The following TBXAS1 variants were observed in gnomAD, a reference collection of about 807,000 sequenced individuals.
TBXAS1 encodes the protein thromboxane-A synthase.
In TBXAS1, 48 loss-of-function variants were observed where a neutral mutation model predicts 60.7. The observed-to-expected ratio is 0.79, with a 90% CI of 0.63 to 1.01. The LOEUF (loss-of-function observed/expected upper bound fraction) is 1.01, where lower values mean the gene tolerates loss of function less well. Among genes scored for constraint, TBXAS1 ranks in the 50% least tolerant of loss-of-function variants. The probability of loss-of-function intolerance (pLI) is 0.00; values close to 1 mark genes in which losing one functional copy is unlikely to be tolerated. For synonymous variants in TBXAS1, 287 were observed against 269.7 expected, an observed-to-expected ratio of 1.06 and a Z score of -0.63; for missense variants, 685 against 686.3, an observed-to-expected ratio of 1.00 and a Z score of 0.02.
intron 10 of TBXAS1, among the ~76,000 whole-genome samples, chr7:140,012,916 A>G (rs1242689190): frequency 6.6e-6 from 1 of 152,126 alleles, no homozygotes; most frequent in Non-Finnish European, 1.5e-5. Flanking sequence ...GTTTAACAGG[A>G]ACTCAAAGCC....
chr7:139,867,462 A>G (rs190527433), intron 1 of TBXAS1, among the ~76,000 whole-genome samples: 4 of 152,266 alleles, frequency 2.6e-5, no homozygotes, highest in Middle Eastern at 3.4e-3. Context: ...CAAAATACCA[A>G]TTTATCAGAA....
At chr7:139,952,012 A>AAGAAAGAAAGAGAGAG (rs746618111) in intron 5 of TBXAS1, among the ~76,000 whole-genome samples, 1 of 111,234 alleles carries the variant, frequency 9.0e-6, no homozygotes, top group Admixed American at 8.9e-5. Flanking sequence ...GAAAGAAAGA[A>AAGAAAGAAAGAGAGAG]AAAGAAAGGA....
Position 139,921,074 on chromosome 7 carries a change from A to G in TBXAS1, c.333+9753A>G, listed in dbSNP as rs62490079. 2.2e-3 allele frequency among the ~76,000 whole-genome samples: 334 copies of G among 152,256 alleles called. 1 individual carries two copies. Among genetic ancestry groups the G allele is most frequent in the Non-Finnish European group, 3.8e-3 (259 of 68,022 alleles). ...TCAAGTCTGTCGAAATTAAATGTTTATTATTCCTTAGTATTTTTTTAAATT... is the reference window on the plus strand; with the variant it reads ...TCAAGTCTGTCGAAATTAAATGTTTGTTATTCCTTAGTATTTTTTTAAATT... On this transcript the variant is annotated intron_variant, in intron 4 of 12. Coordinates refer to ENST00000448866, the MANE Select transcript of TBXAS1 (RefSeq NM_001061.7).
At chr7:139,998,505 G>A (rs763439083) in intron 9 of TBXAS1, among the ~76,000 whole-genome samples, 5 of 152,136 alleles carry the variant, frequency 3.3e-5, no homozygotes, top group African/African-American at 9.7e-5. Context: ...TTAACTGGCC[G>A]TGCGACCTGG....
intron 5 of TBXAS1, among the ~76,000 whole-genome samples, chr7:139,938,274 T>TG (rs1230747173): frequency 4.6e-5 from 7 of 152,052 alleles, no homozygotes; most frequent in African/African-American, 1.7e-4. Flanking sequence ...CGGGATCACT[T>TG]GGGGGGCTTT....
intron 4 of TBXAS1, among the ~76,000 whole-genome samples, chr7:139,795,683 G>A (rs980719047): frequency 1.3e-5 from 2 of 148,622 alleles, no homozygotes; most frequent in Non-Finnish European, 1.5e-5. Context: ...ATCTTGAATT[G>A]ATTTTTGTAT....
At chr7:139,835,964 C>T (rs1161224818) in intron 1 of TBXAS1, among the ~76,000 whole-genome samples, 1 of 151,918 alleles carries the variant, frequency 6.6e-6, no homozygotes, top group Non-Finnish European at 1.5e-5. Flanking sequence ...ACATCAGTAG[C>T]TCTCCTATAC....
chr7:139,863,406 T>C (rs898392152), intron 1 of TBXAS1, among the ~76,000 whole-genome samples: 1 of 152,164 alleles, frequency 6.6e-6, no homozygotes, highest in Non-Finnish European at 1.5e-5. Context: ...AGCGGTTCCT[T>C]AGGCAACAAA....
rs1814788301 is a variant in TBXAS1 at position 140,013,599 on chromosome 7, G to A, written c.1227-2124G>A. 1.3e-5 allele frequency among the ~76,000 whole-genome samples: 2 copies of A among 152,206 alleles called. No homozygotes were observed. The highest frequency in any genetic ancestry group is 4.8e-5 in the African/African-American group (2 of 41,450). ...AGAACTCTCCCAGGAACCAGGAACG[G>A]CTCTCACTGGCAGGCCTCACGGAGG... On this transcript the variant is annotated intron_variant, in intron 10 of 12. Coordinates refer to ENST00000448866, the MANE Select transcript of TBXAS1 (RefSeq NM_001061.7). This position sits in a 1 kb window ranked among gnomAD's most constrained non-coding sequence, Gnocchi z 4.2.
In TBXAS1 at chr7:139,911,331, T is replaced by A; in HGVS notation, c.333+10T>A. ...CTTTACCAACAGAATGGTACGTAGT[T>A]TTCTTTCCGCATATAGATGGATGGG... is the stretch of plus-strand genomic sequence containing the variant. On this transcript the variant is annotated intron_variant, in intron 4 of 12. Transcript: ENST00000448866. 6.2e-7 allele frequency: 1 copy of A among 1,609,722 alleles called. No individual in the cohort carries two copies. The highest frequency in any genetic ancestry group is 8.5e-7 in the Non-Finnish European group (1 of 1,175,974).
chr7:139,996,675 C>G (rs1813322789), intron 9 of TBXAS1, among the ~76,000 whole-genome samples: 1 of 152,232 alleles, frequency 6.6e-6, no homozygotes, highest in Non-Finnish European at 1.5e-5. Flanking sequence ...ACACCCTCAC[C>G]TCCCCTGGTA....
intron 4 of TBXAS1, among the ~76,000 whole-genome samples, chr7:139,800,131 G>A (rs1797679653): frequency 6.6e-6 from 1 of 152,098 alleles, no homozygotes; most frequent in Admixed American, 6.5e-5. Context: ...TTGAGACTCT[G>A]GAAGAACCTC....
intron 8 of TBXAS1, among the ~76,000 whole-genome samples, chr7:139,958,199 C>T (rs1427114120): frequency 6.6e-6 from 1 of 152,110 alleles, no homozygotes; most frequent in African/African-American, 2.4e-5. Flanking sequence ...TTAGAGAGTT[C>T]GGCAACTGTC....
At chr7:139,854,990 C>T (rs933218648) in intron 1 of TBXAS1, among the ~76,000 whole-genome samples, 2 of 152,124 alleles carry the variant, frequency 1.3e-5, no homozygotes, top group Non-Finnish European at 2.9e-5. Context: ...AGGGGTGTTA[C>T]TATTGTTTGA....
chr7:139,959,802 C>G (rs1385800223), intron 8 of TBXAS1, among the ~76,000 whole-genome samples: 11 of 152,194 alleles, frequency 7.2e-5, no homozygotes, highest in Admixed American at 7.2e-4. Flanking sequence ...TGAGGACCTT[C>G]AGAGGGACTG....
At chr7:139,844,896 G>C (rs1008922667) in intron 1 of TBXAS1, among the ~76,000 whole-genome samples, 1 of 151,910 alleles carries the variant, frequency 6.6e-6, no homozygotes, top group African/African-American at 2.4e-5. Flanking sequence ...GGGTGTCCTT[G>C]GGCCAGCCAC....
intron 4 of TBXAS1, among the ~76,000 whole-genome samples, chr7:139,794,664 C>T (rs1480558172): frequency 9.1e-6 from 1 of 110,252 alleles, no homozygotes; most frequent in Admixed American, 1.1e-4. Context: ...TCCCTCCCCC[C>T]TCCCCCCACC....
intron 9 of TBXAS1, among the ~76,000 whole-genome samples, chr7:139,991,970 C>T (rs1038126578): frequency 1.3e-5 from 2 of 152,200 alleles, no homozygotes; most frequent in African/African-American, 4.8e-5. Flanking sequence ...ATGGGTCTCA[C>T]TTGCAGGGGA....
At position 139,926,281 on chromosome 7, in the gene TBXAS1, G is replaced by A. The variant is rs117180398; in HGVS notation, c.334-9910G>A. Among the ~76,000 whole-genome samples, 451 of 152,156 alleles carry A rather than the reference G, an allele frequency of 3.0e-3. 1 individual carries two copies. The highest frequency in any genetic ancestry group is 4.9e-3 in the Non-Finnish European group (332 of 67,992). On this transcript the variant is annotated intron_variant, in intron 4 of 12. Coordinates refer to ENST00000448866, the MANE Select transcript of TBXAS1 (RefSeq NM_001061.7). ...TCAGCAGTGAAGCCATGGTGTCCTGGGCTTTTCTTTGCTGGGAGACTTTTT... is the reference window on the plus strand; with the variant it reads ...TCAGCAGTGAAGCCATGGTGTCCTGAGCTTTTCTTTGCTGGGAGACTTTTT...
Sources: gnomAD v4.1 joint callset for allele counts (sites outside exome capture counted in the v4.1 genomes callset) on GRCh38, gnomAD v4.1.1 for gene constraint, Gnocchi (gnomAD v3.1) non-coding constraint, MANE v1.5 for transcripts, NCBI Gene and HGNC (gene_info 2026-07-23, HGNC 2026-07-21) for gene names.